The following MYO16 variants were observed in gnomAD, a reference collection of about 807,000 sequenced individuals.
The protein encoded by MYO16 is myosin XVI.
MYO16 carries 94 observed loss-of-function variants against 205.3 expected under a neutral mutation model. That is an observed-to-expected ratio of 0.46 (90% CI 0.39 to 0.54). MYO16 has a LOEUF of 0.54. Among genes scored for constraint, MYO16 ranks in the 20% least tolerant of loss-of-function variants. The probability of loss-of-function intolerance (pLI) is 0.00; values close to 1 mark genes in which losing one functional copy is unlikely to be tolerated. For missense variants in MYO16, 2,315 were observed against 2,387.5 expected (o/e 0.97, Z 0.63); for synonymous variants, 988 against 954.0 (o/e 1.04, Z -0.66).
chr13:109,155,808 C>T (rs1877983244), intron 32 of MYO16, among the ~76,000 whole-genome samples: 1 of 152,178 alleles, frequency 6.6e-6, no homozygotes, highest in African/African-American at 2.4e-5. Context: ...TAGCAGTCTC[C>T]ACTCTCCTCA....
At chr13:108,849,619 TTGTGTGTGTGTGTGTG>T (rs60404877) in intron 10 of MYO16, among the ~76,000 whole-genome samples, 44 of 83,884 alleles carry the variant, frequency 5.2e-4, no homozygotes, top group Middle Eastern at 7.2e-3. Context: ...ATTTCCTCTT[TTGTGTGTGTGTGTGTG>T]TGTGTGTGTG....
chr13:108,678,205 A>G (rs1882313270), intron 2 of MYO16, among the ~76,000 whole-genome samples: 1 of 152,214 alleles, frequency 6.6e-6, no homozygotes, highest in African/African-American at 2.4e-5. Context: ...TTTTCAATAC[A>G]CAGAGAATTT....
intron 2 of MYO16, among the ~76,000 whole-genome samples, chr13:108,688,727 G>A (rs1185816241): frequency 1.3e-5 from 2 of 152,098 alleles, no homozygotes; most frequent in Non-Finnish European, 2.9e-5. Flanking sequence ...CATTTGAAGG[G>A]CCATGGGTTA....
intron 19 of MYO16, among the ~76,000 whole-genome samples, chr13:108,964,056 C>G (rs937964615): frequency 6.6e-6 from 1 of 152,222 alleles, no homozygotes; most frequent in Admixed American, 6.5e-5. Context: ...TGGACCCCGC[C>G]CTGTTCCTAG....
At chr13:109,110,779 A>G (rs1441133369) in intron 28 of MYO16, among the ~76,000 whole-genome samples, 1 of 152,222 alleles carries the variant, frequency 6.6e-6, no homozygotes, top group Non-Finnish European at 1.5e-5. Flanking sequence ...ATTCTTAGAA[A>G]TTTAACGAAT....
Position 109,100,868 on chromosome 13 carries a change from G to A in MYO16, c.3419G>A (p.Cys1140Tyr). 6.2e-7 allele frequency: 1 copy of A among 1,613,350 alleles called. No individual in the cohort carries two copies. The highest frequency in any genetic ancestry group is 8.5e-7 in the Non-Finnish European group (1 of 1,179,364). The stretch of plus-strand genomic sequence containing the variant: ...CGATGTCGACTTGTTCTCCAGCAGT[G>A]TAAATTACAAGGCTGGCAGGTTGGT... ...AERCRLVLQQ[C>Y]KLQGWQMGVR... is the part of the protein sequence containing the mutation. Residue 1140 changes from cysteine (C) to tyrosine (Y), a missense_variant, in exon 28 of 35, where the codon TGT becomes TAT. Physicochemically the swap from Cys to Tyr is radical, Grantham distance 194. Transcript: ENST00000457511.
intron 23 of MYO16, among the ~76,000 whole-genome samples, chr13:109,023,709 A>ATACAAATATATGTATATATGTATATAT (rs1886240334): frequency 8.1e-6 from 1 of 124,144 alleles, no homozygotes; most frequent in South Asian, 2.4e-4. Context: ...ATATGTATAT[A>ATACAAATATATGTATATATGTATATAT]TACAAATATA....
intron 28 of MYO16, among the ~76,000 whole-genome samples, chr13:109,102,660 C>T (rs1270575155): frequency 6.6e-6 from 1 of 151,822 alleles, no homozygotes; most frequent in African/African-American, 2.4e-5. Flanking sequence ...AGCAGTGGTC[C>T]CTCTGATAGA....
At chr13:108,504,762 C>G in the MYO16 span, among the ~76,000 whole-genome samples, 1 of 148,296 alleles carries the variant, frequency 6.7e-6, no homozygotes, top group Non-Finnish European at 1.5e-5. Flanking sequence ...GTCTCGATCT[C>G]TTGACCTTGT....
At chr13:108,525,831 A>T in the MYO16 span, among the ~76,000 whole-genome samples, 1 of 152,192 alleles carries the variant, frequency 6.6e-6, no homozygotes, top group Admixed American at 6.5e-5. Flanking sequence ...ATGATCAAGA[A>T]TTCATTAACT....
chr13:108,516,472 G>T, the MYO16 span, among the ~76,000 whole-genome samples: 1 of 152,196 alleles, frequency 6.6e-6, no homozygotes, highest in Non-Finnish European at 1.5e-5. Context: ...GACCGGAGCT[G>T]TTCCTATTCG....
intron 14 of MYO16, among the ~76,000 whole-genome samples, chr13:108,896,272 G>T (rs922739982): frequency 2.0e-5 from 3 of 151,950 alleles, no homozygotes; most frequent in African/African-American, 7.3e-5. Context: ...TATTTAAAAT[G>T]TGCTATCATT....
rs1168136204 is a variant in MYO16 at position 109,139,677 on chromosome 13, G to A, written c.4052-587G>A. 9.5e-5 allele frequency among the ~76,000 whole-genome samples: 14 copies of A among 147,510 alleles called. 1 individual carries two copies. The South Asian group carries it at 1.8e-3, about 19-fold the overall frequency. Reference sequence around the variant, plus strand: ...GGGCTTACAAGTTTAAGGGGTCTACGTGAAAGGGTCGTAATAGATAGAGCA... The same window carrying A: ...GGGCTTACAAGTTTAAGGGGTCTACATGAAAGGGTCGTAATAGATAGAGCA... On this transcript the variant is annotated intron_variant, in intron 31 of 34. Transcript: ENST00000457511.
intron 33 of MYO16, among the ~76,000 whole-genome samples, chr13:109,170,549 A>G (rs1364927069): frequency 6.6e-6 from 1 of 152,040 alleles, no homozygotes; most frequent in East Asian, 1.9e-4. Context: ...TTAAAAAAAA[A>G]AGGAGGAAGA....
At chr13:109,123,213 G>A (rs1026911938) in intron 29 of MYO16, among the ~76,000 whole-genome samples, 8 of 152,278 alleles carry the variant, frequency 5.3e-5, no homozygotes, top group African/African-American at 1.7e-4. Flanking sequence ...TTAGCAACTG[G>A]TGTAACATTT....
chr13:108,861,470 A>G (rs943775163), intron 11 of MYO16, among the ~76,000 whole-genome samples: 7 of 152,222 alleles, frequency 4.6e-5, no homozygotes, highest in African/African-American at 1.2e-4. Flanking sequence ...TACGAATAAT[A>G]TAAACAGTTT....
chr13:108,775,499 G>T (rs1386285107), intron 4 of MYO16, among the ~76,000 whole-genome samples: 1 of 143,502 alleles, frequency 7.0e-6, no homozygotes, highest in Non-Finnish European at 1.5e-5. Flanking sequence ...TGCCTGAGTG[G>T]TTCAAAATGG....
intron 2 of MYO16, among the ~76,000 whole-genome samples, chr13:108,710,252 T>G (rs1003387485): frequency 6.6e-6 from 1 of 152,198 alleles, no homozygotes; most frequent in Non-Finnish European, 1.5e-5. Context: ...GAACTTACAA[T>G]GCAGTAGATT....
At chr13:108,817,218 C>T (rs1875668565) in intron 7 of MYO16, among the ~76,000 whole-genome samples, 1 of 152,120 alleles carries the variant, frequency 6.6e-6, no homozygotes, top group Non-Finnish European at 1.5e-5. Context: ...TGAAAAACTA[C>T]ATTGACTGAA....
Sources: allele counts gnomAD v4.1 joint callset (sites outside exome capture counted in the v4.1 genomes callset), GRCh38; gene constraint gnomAD v4.1.1; transcripts MANE v1.5; gene names NCBI Gene and HGNC (gene_info 2026-07-23, HGNC 2026-07-21).